Variants in SMAD6 observed in about 807,000 individuals in gnomAD.
The protein encoded by SMAD6 is MAD homolog 6.
In SMAD6, 103 loss-of-function variants were observed where a neutral mutation model predicts 39.4. The observed-to-expected ratio is 2.62, with a 90% CI of 2.23 to 3.08. SMAD6 has a LOEUF of 3.08. Among genes scored for constraint, SMAD6 ranks in the 30% most tolerant of loss-of-function variants. SMAD6 has a pLI of 0.00. For missense variants in SMAD6, 1,104 were observed against 742.9 expected (o/e 1.49, Z -5.65); for synonymous variants, 445 against 353.3 (o/e 1.26, Z -2.91).
At chr15:66,745,550 T>C (rs1381366010) in intron 3 of SMAD6, among the ~76,000 whole-genome samples, 3 of 152,362 alleles carry the variant, frequency 2.0e-5, no homozygotes, top group Non-Finnish European at 2.9e-5. Context: ...CACTTTTACA[T>C]TGGCACAAAC....
At chr15:66,742,757 C>T (rs1893837171) in intron 3 of SMAD6, among the ~76,000 whole-genome samples, 1 of 152,124 alleles carries the variant, frequency 6.6e-6, no homozygotes, top group South Asian at 2.1e-4. Flanking sequence ...GCACCCATTC[C>T]CAGGCCCCGA....
At chr15:66,717,273 C>A (rs1305398523) in intron 3 of SMAD6, 1 of 518,968 alleles carries the variant, frequency 1.9e-6, no homozygotes, top group Non-Finnish European at 3.5e-6. Flanking sequence ...GGCTGCATAC[C>A]TTGTGGGCAT....
At chr15:66,764,114 T>C (rs534693262) in intron 3 of SMAD6, among the ~76,000 whole-genome samples, 45 of 152,368 alleles carry the variant, frequency 3.0e-4, no homozygotes, top group Non-Finnish European at 3.8e-4. Flanking sequence ...GGTTTTGTGA[T>C]TTCCAAATAC....
rs1419095990 is a variant in SMAD6 at position 66,703,950 on chromosome 15, G to C, written c.692G>C (p.Arg231Pro). ...CAGCTGCTGCTCGGCCGCCTCTTTC[G>C]CTGGCCCGACCTGCAGCACGCCGTG... Reference protein sequence around the residue: ...PPQLLLGRLFRWPDLQHAVEL... With the variant: ...PPQLLLGRLFPWPDLQHAVEL... Residue 231 changes from arginine (R) to proline (P), a missense_variant, in exon 1 of 4, where the codon CGC becomes CCC. By Grantham distance (103) the Arg-to-Pro change is moderately radical (BLOSUM62 -2). Transcript: ENST00000288840. The C allele has an allele frequency of 2.1e-6, 3 of 1,406,920 alleles. No individual in the cohort carries two copies. The highest frequency in any genetic ancestry group is 2.8e-6 in the Non-Finnish European group (3 of 1,078,770). The allele number at this position is 1,406,920 out of a possible 1,614,324, so 87.2% of individuals were successfully genotyped here.
In SMAD6 at chr15:66,703,158, A is replaced by T. The variant is rs1453098875; in HGVS notation, c.-101A>T. The T allele has an allele frequency of 9.3e-6, 8 of 857,232 alleles. No individual in the cohort carries two copies. The highest frequency in any genetic ancestry group is 4.9e-6 in the Non-Finnish European group (3 of 617,962). The allele number at this position is 857,232 out of a possible 1,614,324, so 53.1% of individuals were successfully genotyped here. On this transcript the variant is annotated 5_prime_UTR_variant, in exon 1 of 4. An upstream start codon of the reference 5' UTR is lost. Transcript: ENST00000288840. ...GCACGGCGCTCCGCGGCGGAGCTTC[A>T]TGTGGGGCTGCGACCCGCGCAGCCG...
At position 66,781,205 on chromosome 15, in the gene SMAD6, C is replaced by G. The variant is rs777669717; in HGVS notation, c.1161C>G (p.Ile387Met). The change falls in exon 4 of 4, where the codon ATC becomes ATG. Residue 387 changes from isoleucine (I) to methionine (M), a missense_variant. Coordinates refer to ENST00000288840, the MANE Select transcript of SMAD6 (RefSeq NM_005585.5). ...SESVRRTRSK[I>M]GFGILLSKEP... is the part of the protein sequence containing the mutation. The stretch of plus-strand genomic sequence containing the variant: ...CGGTGCGGCGAACGCGCAGCAAGAT[C>G]GGCTTCGGCATCCTGCTCAGCAAGG... 6.2e-7 allele frequency: 1 copy of G among 1,608,366 alleles called. No homozygotes were observed. The highest frequency in any genetic ancestry group is 8.5e-7 in the Non-Finnish European group (1 of 1,179,694).
At chr15:66,734,132 C>T (rs1159250455) in intron 3 of SMAD6, among the ~76,000 whole-genome samples, 1 of 152,212 alleles carries the variant, frequency 6.6e-6, no homozygotes, top group Non-Finnish European at 1.5e-5. Context: ...TGCTTGCAGC[C>T]AGGAGGCCCA....
At chr15:66,737,380 A>T (rs1893730736) in intron 3 of SMAD6, among the ~76,000 whole-genome samples, 1 of 152,060 alleles carries the variant, frequency 6.6e-6, no homozygotes, top group East Asian at 1.9e-4. Context: ...TCCTTCATTG[A>T]CTCATGGCAC....
intron 3 of SMAD6, among the ~76,000 whole-genome samples, chr15:66,752,727 G>A (rs1254459817): frequency 2.0e-5 from 3 of 152,280 alleles, no homozygotes; most frequent in Admixed American, 2.0e-4. Context: ...CCAGGAGTTT[G>A]AGGCTACAGT....
chr15:66,729,254 C>T (rs891507218), intron 3 of SMAD6, among the ~76,000 whole-genome samples: 3 of 152,182 alleles, frequency 2.0e-5, no homozygotes, highest in Non-Finnish European at 4.4e-5. Flanking sequence ...CTGCATCCCC[C>T]GGCACCCCTG....
At chr15:66,766,522 G>A (rs753235663) in intron 3 of SMAD6, among the ~76,000 whole-genome samples, 5 of 152,152 alleles carry the variant, frequency 3.3e-5, no homozygotes, top group Non-Finnish European at 2.9e-5. Context: ...GATGGGATAC[G>A]TGGACATAGA....
At chr15:66,738,217 G>C (rs944572958) in intron 3 of SMAD6, among the ~76,000 whole-genome samples, 1 of 152,146 alleles carries the variant, frequency 6.6e-6, no homozygotes, top group Non-Finnish European at 1.5e-5. Context: ...CCCCCTGCCC[G>C]TGGGAAGCTC....
chr15:66,734,400 G>C (rs1241668417), intron 3 of SMAD6, among the ~76,000 whole-genome samples: 1 of 152,156 alleles, frequency 6.6e-6, no homozygotes, highest in Non-Finnish European at 1.5e-5. Flanking sequence ...CTCTCCCTTG[G>C]TCACTGCAGA....
intron 3 of SMAD6, 53 bp downstream of exon 3, chr15:66,716,551 C>A: frequency 7.5e-7 from 1 of 1,329,854 alleles, no homozygotes; most frequent in Non-Finnish European, 1.1e-6. Context: ...TCGAAGGGGA[C>A]AGCTGCGGAG....
chr15:66,714,837 G>A (rs769082010), intron 2 of SMAD6, among the ~76,000 whole-genome samples: 19 of 152,250 alleles, frequency 1.2e-4, no homozygotes, highest in Admixed American at 4.6e-4. Context: ...ACCGCTTGTC[G>A]TTTCCACTCT....
intron 3 of SMAD6, among the ~76,000 whole-genome samples, chr15:66,753,043 T>C (rs1449995621): frequency 6.6e-6 from 1 of 152,214 alleles, no homozygotes; most frequent in Non-Finnish European, 1.5e-5. Flanking sequence ...CATACAGCTC[T>C]TGGAAGGTTG....
chr15:66,779,794 G>T (rs1438507924), intron 3 of SMAD6, among the ~76,000 whole-genome samples: 1 of 152,242 alleles, frequency 6.6e-6, no homozygotes, highest in Non-Finnish European at 1.5e-5. Flanking sequence ...CTCTGCACAG[G>T]CCCAGGCCAG....
Position 66,767,139 on chromosome 15 carries a change from C to T in SMAD6, c.953-13858C>T, listed in dbSNP as rs1408243047. Among the ~76,000 whole-genome samples, 11 of 152,332 alleles carry T rather than the reference C, an allele frequency of 7.2e-5. No individual in the cohort carries two copies. In the East Asian group the frequency reaches 2.1e-3, roughly 29 times the overall value. ...GCATCTGATCCTGCTTTGTCATTAA[C>T]CTTGTGGGCCATGGGGTAGTCACCA... On this transcript the variant is annotated intron_variant, in intron 3 of 3. Transcript: ENST00000288840.
Position 66,759,677 on chromosome 15 carries a change from T to C in SMAD6, c.953-21320T>C, listed in dbSNP as rs116484806. Among the ~76,000 whole-genome samples, 1,027 of 152,382 alleles carry C rather than the reference T, an allele frequency of 6.7e-3. 9 individuals are homozygous for C. Among genetic ancestry groups the C allele is most frequent in the African/African-American group, 0.023 (972 of 41,592 alleles). ...TAGAGTGATCTGTCCTACCTCTAAA[T>C]AGGCTTCACAAATAAAGACCAGGAA... On this transcript the variant is annotated intron_variant, in intron 3 of 3. Coordinates refer to ENST00000288840, the MANE Select transcript of SMAD6 (RefSeq NM_005585.5).
Sources: allele counts gnomAD v4.1 joint callset (sites outside exome capture counted in the v4.1 genomes callset), GRCh38; gene constraint gnomAD v4.1.1; transcripts MANE v1.5; gene names NCBI Gene and HGNC (gene_info 2026-07-23, HGNC 2026-07-21).